The following DUOXA1 variants were observed in gnomAD, a reference collection of about 807,000 sequenced individuals.
The protein encoded by DUOXA1 is dual oxidase maturation factor 1.
In DUOXA1, 19 loss-of-function variants were observed where a neutral mutation model predicts 26.6. That is an observed-to-expected ratio of 0.71 (90% CI 0.50 to 1.05). The LOEUF is 1.05. Ranked by LOEUF, DUOXA1 falls within the 50% of genes least tolerant of loss-of-function variation. The probability of loss-of-function intolerance (pLI) is 0.00; values close to 1 mark genes in which losing one functional copy is unlikely to be tolerated. For missense variants in DUOXA1, 403 were observed against 427.5 expected, an observed-to-expected ratio of 0.94 and a Z score of 0.51; for synonymous variants, 166 against 177.0, an observed-to-expected ratio of 0.94 and a Z score of 0.49.
chr15:45,119,423 T>C, intron 8 of DUOXA1, 58 bp from the exon 9 acceptor site: 1 of 1,524,238 alleles, frequency 6.6e-7, no homozygotes, highest in Non-Finnish European at 8.9e-7. Context: ...GCCGAGGATA[T>C]CTTCCCCTGG....
At chr15:45,123,523 C>T (rs977365206) in intron 3 of DUOXA1, among the ~76,000 whole-genome samples, 1 of 152,250 alleles carries the variant, frequency 6.6e-6, no homozygotes, top group African/African-American at 2.4e-5. Context: ...CCAGGCAGCT[C>T]TCTGCTAAGT....
rs1284659490 is a variant in DUOXA1, at chr15:45,119,219, A to G, written c.919T>C (p.Tyr307His). The G allele has an allele frequency of 1.9e-6, 3 of 1,613,988 alleles. No homozygotes were observed. In the Admixed American group the frequency reaches 5.0e-5, roughly 27 times the overall value. ...PEEGGLLSPR[Y>H]RSMADSPKSQ... ...TTGGGACTGTCAGCCATGGACCGGTAGCGGGGGCTCAGGAGTCCACCTTCC... is the reference window on the plus strand; with the variant it reads ...TTGGGACTGTCAGCCATGGACCGGTGGCGGGGGCTCAGGAGTCCACCTTCC... Residue 307 changes from tyrosine (Y) to histidine (H), a missense_variant, in exon 9 of 9, where the codon TAC becomes CAC. Transcript: ENST00000560572.
At position 45,117,613 on chromosome 15, in the gene DUOXA1, G is replaced by T. The variant is rs760211592; in HGVS notation, c.*1493C>A. Reference sequence around the variant, plus strand: ...CGCCTGTAATCCCAGCACTTTGGGAGGTCGAGGCAGGAAGGTCGTTTGAGG... The same window carrying T: ...CGCCTGTAATCCCAGCACTTTGGGATGTCGAGGCAGGAAGGTCGTTTGAGG... On this transcript the variant is annotated 3_prime_UTR_variant, in exon 9 of 9. Transcript: ENST00000560572. 2 of 1,613,586 alleles carry T rather than the reference G, an allele frequency of 1.2e-6. No individual in the cohort carries two copies. Among genetic ancestry groups the T allele is most frequent in the Admixed American group, 1.7e-5 (1 of 59,998 alleles).
At chr15:45,126,412 C>T (rs115184849) in intron 3 of DUOXA1, among the ~76,000 whole-genome samples, 2,365 of 152,328 alleles carry the variant, frequency 0.016, 53 homozygotes, top group East Asian at 0.11. Flanking sequence ...CTGGAATGCA[C>T]TCACTCTCTT....
chr15:45,118,141 G>A lies in DUOXA1; in HGVS notation c.*965C>T, dbSNP rs1427689503. The A allele has an allele frequency of 5.6e-6, 8 of 1,439,122 alleles. No individual in the cohort carries two copies. Among genetic ancestry groups the A allele is most frequent in the African/African-American group, 1.4e-5 (1 of 69,746 alleles). 89.1% of individuals were successfully genotyped at this position (1,439,122 alleles called of 1,614,324 possible). A position where few individuals can be genotyped will look rare whatever the true frequency, so the allele number is the denominator to read the frequency against. The stretch of plus-strand genomic sequence containing the variant: ...CCATTAATTTTCATGGCTTCTCCGC[G>A]CCGGGGTCGCACGTCCTCATGAGCT... On this transcript the variant is annotated 3_prime_UTR_variant, in exon 9 of 9. Transcript: ENST00000560572.
chr15:45,117,436 C>A lies in DUOXA1; in HGVS notation c.*1670G>T. ...TGCCCCTCTCAATAGTTCGCAGAAA[C>A]AGGCACTGTTATGACCATTTTACAG... On this transcript the variant is annotated 3_prime_UTR_variant, in exon 9 of 9. Coordinates refer to ENST00000560572, the MANE Select transcript of DUOXA1 (RefSeq NM_001276266.2). The A allele has an allele frequency of 7.2e-6, 11 of 1,528,144 alleles. No individual in the cohort carries two copies. Among genetic ancestry groups the A allele is most frequent in the Non-Finnish European group, 8.8e-6 (10 of 1,133,214 alleles). 94.7% of individuals were successfully genotyped at this position (1,528,144 alleles called of 1,614,324 possible).
rs1396637423 is a variant in DUOXA1, at chr15:45,122,974, G to A, written c.41C>T (p.Pro14Leu). The A allele has an allele frequency of 1.2e-6, 2 of 1,613,138 alleles. No homozygotes were observed. The highest frequency in any genetic ancestry group is 2.2e-5 in the East Asian group (1 of 44,844). The stretch of plus-strand genomic sequence containing the variant: ...GGTGTCCATCGGGAAGGTTGGCTTG[G>A]GGCCAGCATAGAAGGGGAATGTGTG... ...LGHTFPFYAG[P>L]KPTFPMDTTL... is the part of the protein sequence containing the mutation. Residue 14 changes from proline to leucine, a missense_variant, in exon 4 of 9, where the codon CCC (proline) becomes CTC (leucine). Physicochemically the swap from Pro to Leu is moderately conservative, Grantham distance 98. Coordinates refer to ENST00000560572, the MANE Select transcript of DUOXA1 (RefSeq NM_001276266.2).
chr15:45,118,016 C>A lies in DUOXA1; in HGVS notation c.*1090G>T. On this transcript the variant is annotated 3_prime_UTR_variant, in exon 9 of 9. Coordinates refer to ENST00000560572, the MANE Select transcript of DUOXA1 (RefSeq NM_001276266.2). ...GCTCCAGGAAGGGCACTGAGCGCTG[C>A]TGGCGCGAGGCCTCGGACATCCGCA... is the stretch of plus-strand genomic sequence containing the variant. The A allele has an allele frequency of 6.2e-7, 1 of 1,604,298 alleles. No individual in the cohort carries two copies. The highest frequency in any genetic ancestry group is 8.5e-7 in the Non-Finnish European group (1 of 1,173,090).
chr15:45,124,214 A>G (rs1895487531), intron 3 of DUOXA1, among the ~76,000 whole-genome samples: 1 of 152,248 alleles, frequency 6.6e-6, no homozygotes, highest in Non-Finnish European at 1.5e-5. Context: ...AAGTAGCCCC[A>G]GAGGGTTTGA....
rs1420739122 is a variant in DUOXA1 at position 45,117,762 on chromosome 15, T to C, written c.*1344A>G. ...GAGGGGCCGTGGTGAGTCTCCAGTA[T>C]GTTCGGCCCAGCGCTCTTCGCACCC... On this transcript the variant is annotated 3_prime_UTR_variant, in exon 9 of 9. Transcript: ENST00000560572. 7 of 1,613,654 alleles carry C rather than the reference T, an allele frequency of 4.3e-6. No individual in the cohort carries two copies. The highest frequency in any genetic ancestry group is 5.1e-6 in the Non-Finnish European group (6 of 1,179,838).
chr15:45,124,362 G>T (rs1256574042), intron 3 of DUOXA1, among the ~76,000 whole-genome samples: 1 of 150,436 alleles, frequency 6.6e-6, no homozygotes, highest in Non-Finnish European at 1.5e-5. Flanking sequence ...GCTGAGAATA[G>T]TACTGGAAAC....
chr15:45,125,858 G>A (rs1394625254), intron 3 of DUOXA1, among the ~76,000 whole-genome samples: 1 of 152,132 alleles, frequency 6.6e-6, no homozygotes, highest in African/African-American at 2.4e-5. Context: ...TCCCATGGCT[G>A]ATGGTTCTCA....
At position 45,118,297 on chromosome 15, in the gene DUOXA1, G is replaced by A. The variant is rs1316981671; in HGVS notation, c.*809C>T. The A allele has an allele frequency of 2.3e-6, 3 of 1,312,358 alleles. No homozygotes were observed. The highest frequency in any genetic ancestry group is 2.9e-6 in the Non-Finnish European group (3 of 1,033,930). The allele number at this position is 1,312,358 out of a possible 1,614,324, so 81.3% of individuals were successfully genotyped here. ...ACCCTACCAGAGCTAGCATCTTTCT[G>A]AACCACCCCAGGGGGACGTTAGGTG... On this transcript the variant is annotated 3_prime_UTR_variant, in exon 9 of 9. Transcript: ENST00000560572.
At chr15:45,123,818 C>T (rs1467761933) in intron 3 of DUOXA1, among the ~76,000 whole-genome samples, 1 of 152,212 alleles carries the variant, frequency 6.6e-6, no homozygotes, top group Non-Finnish European at 1.5e-5. Context: ...TCTTCTCTGC[C>T]CATCCCCTGA....
rs1264208756 is a variant in DUOXA1, at chr15:45,117,724, T to G, written c.*1382A>C. 1 of 1,613,082 alleles carries G rather than the reference T, an allele frequency of 6.2e-7. No individual in the cohort carries two copies. Among genetic ancestry groups the G allele is most frequent in the African/African-American group, 1.3e-5 (1 of 74,936 alleles). On this transcript the variant is annotated 3_prime_UTR_variant, in exon 9 of 9. Coordinates refer to ENST00000560572, the MANE Select transcript of DUOXA1 (RefSeq NM_001276266.2). ...GATCCCCACCGCCACAGGCGTCCTG[T>G]GCCTCTTCCTCGGAGGGGCCGTGGT...
At chr15:45,120,890 G>A in intron 6 of DUOXA1, 85 bp from the exon 7 acceptor site, 1 of 1,523,612 alleles carries the variant, frequency 6.6e-7, no homozygotes, top group Non-Finnish European at 9.0e-7. Flanking sequence ...TGGGCAGAGG[G>A]ACAGGAAGTG....
chr15:45,120,264 A>G lies in DUOXA1; in HGVS notation c.611T>C (p.Val204Ala). Residue 204 changes from valine (V) to alanine (A), a missense_variant, in exon 8 of 9, where the codon GTA (valine) becomes GCA (alanine). By Grantham distance (64) the Val-to-Ala change is moderately conservative. Transcript: ENST00000560572. ...ANVMLSMPVL[V>A]YGGYMLLATG... ...GGCCAATAGCATGTAGCCACCATAT[A>G]CCAGCACAGGCATGGAGAGCATCAC... The G allele has an allele frequency of 6.2e-7, 1 of 1,614,104 alleles. No individual in the cohort carries two copies. The highest frequency in any genetic ancestry group is 8.5e-7 in the Non-Finnish European group (1 of 1,179,998).
At chr15:45,119,676 G>A (rs1894967401) in intron 8 of DUOXA1, among the ~76,000 whole-genome samples, 1 of 152,146 alleles carries the variant, frequency 6.6e-6, no homozygotes, top group African/African-American at 2.4e-5. Context: ...GGGCACAGAG[G>A]AGGCATGAGG....
At position 45,118,916 on chromosome 15, in the gene DUOXA1, C is replaced by G. The variant is rs1713723316; in HGVS notation, c.*190G>C. On this transcript the variant is annotated 3_prime_UTR_variant, in exon 9 of 9. Transcript: ENST00000560572. ...TGGACAGGCCCAGCATCTCTTCAGT[C>G]CCTTAGGGCTTTTTGTTTTGTTTTG... 2 of 1,347,278 alleles carry G rather than the reference C, an allele frequency of 1.5e-6. No individual in the cohort carries two copies. Among genetic ancestry groups the G allele is most frequent in the Non-Finnish European group, 9.5e-7 (1 of 1,051,716 alleles). The allele number at this position is 1,347,278 out of a possible 1,614,324, so 83.5% of individuals were successfully genotyped here.
Sources: allele counts gnomAD v4.1 joint callset (sites outside exome capture counted in the v4.1 genomes callset), GRCh38; gene constraint gnomAD v4.1.1; transcripts MANE v1.5; gene names NCBI Gene and HGNC (gene_info 2026-07-23, HGNC 2026-07-21).